LRCH1: variants seen among roughly 807,000 people sequenced by gnomAD.
The protein encoded by LRCH1 is leucine rich repeats and calponin homology domain containing 1, also known as leucine-rich repeat and calponin homology domain-containing protein 1.
Under a neutral mutation model 94.9 loss-of-function variants are expected in LRCH1, and 23 were observed. The observed-to-expected ratio is 0.24, with a 90% CI of 0.17 to 0.34. The LOEUF is 0.34. LRCH1 is among the 10% of genes least tolerant of loss of function. The pLI is 1.00. For missense variants in LRCH1, 790 were observed against 945.9 expected (o/e 0.84, Z 2.16); for synonymous variants, 364 against 354.9 (o/e 1.03, Z -0.29).
intron 15 of LRCH1, among the ~76,000 whole-genome samples, chr13:46,712,930 G>A (rs541854326): frequency 2.0e-5 from 3 of 152,190 alleles, no homozygotes; most frequent in East Asian, 1.9e-4. Context: ...CCTGCTGCTC[G>A]GCTGAGTTAA....
intron 1 of LRCH1, among the ~76,000 whole-genome samples, chr13:46,644,849 A>G (rs906198962): frequency 9.8e-5 from 15 of 152,356 alleles, no homozygotes; most frequent in African/African-American, 3.4e-4. Flanking sequence ...AAAAGTACAT[A>G]TAGAATAGCA....
intron 1 of LRCH1, among the ~76,000 whole-genome samples, chr13:46,592,611 G>A (rs559634920): frequency 6.6e-6 from 1 of 152,136 alleles, no homozygotes; most frequent in African/African-American, 2.4e-5. Context: ...GATTAAATTG[G>A]TAAAATATGT....
intron 4 of LRCH1, among the ~76,000 whole-genome samples, chr13:46,682,130 C>G (rs1870350430): frequency 1.3e-5 from 2 of 152,086 alleles, no homozygotes; most frequent in South Asian, 4.1e-4. Flanking sequence ...GCTACTATAA[C>G]AAAGAACCAC....
At position 46,616,715 on chromosome 13, in the gene LRCH1, T is replaced by A. The variant is rs546831529; in HGVS notation, c.308-33486T>A. Among the ~76,000 whole-genome samples the A allele has an allele frequency of 1.2e-4, 19 of 152,324 alleles. No homozygotes were observed. The East Asian group carries it at 3.5e-3, about 28-fold the overall frequency. ...AGACGGCACCAAATTTCATGCGCGTTCGTGTGAAGAGACCACCAAACAGGC... is the reference window on the plus strand; with the variant it reads ...AGACGGCACCAAATTTCATGCGCGTACGTGTGAAGAGACCACCAAACAGGC... On this transcript the variant is annotated intron_variant, in intron 1 of 19. Coordinates refer to ENST00000389797, the MANE Select transcript of LRCH1 (RefSeq NM_001164211.2).
In LRCH1 at chr13:46,712,521, A is replaced by G. The variant is rs1480343321; in HGVS notation, c.1582-4A>G. The G allele has an allele frequency of 6.2e-7, 1 of 1,611,110 alleles. No homozygotes were observed. Among genetic ancestry groups the G allele is most frequent in the Non-Finnish European group, 8.5e-7 (1 of 1,177,544 alleles). On this transcript the variant is annotated splice_region_variant and splice_polypyrimidine_tract_variant and intron_variant, in intron 14 of 19. Transcript: ENST00000389797. ...CCTAATTTCCTTTCCTTCCAACACC[A>G]CAGATTAGAGAGAACTCCCCTGCAG...
Position 46,669,078 on chromosome 13 carries a change from C to T in LRCH1, c.501C>T (p.Leu167=), listed in dbSNP as rs760343503. The part of the protein sequence containing the change: ...ALPACLCGLP[L]KVLIASNNKL... Reference sequence around the variant, plus strand: ...CTGCCTGCCTGTGTGGTCTGCCTCTCAAAGTCTTAATCGCAAGTAACAACA... The same window carrying T: ...CTGCCTGCCTGTGTGGTCTGCCTCTTAAAGTCTTAATCGCAAGTAACAACA... The change falls in exon 3 of 20, where the codon CTC becomes CTT. Residue 167 remains leucine, a synonymous_variant. Coordinates refer to ENST00000389797, the MANE Select transcript of LRCH1 (RefSeq NM_001164211.2). 6.2e-7 allele frequency: 1 copy of T among 1,614,028 alleles called. No individual in the cohort carries two copies. Among genetic ancestry groups the T allele is most frequent in the East Asian group, 2.2e-5 (1 of 44,896 alleles).
At chr13:46,704,210 A>G (rs1221883499) in intron 11 of LRCH1, among the ~76,000 whole-genome samples, 1 of 152,124 alleles carries the variant, frequency 6.6e-6, no homozygotes, top group Non-Finnish European at 1.5e-5. Context: ...ACACTTGAAG[A>G]TGTCATTTAT....
chr13:46,662,268 G>A (rs932972271), intron 2 of LRCH1, among the ~76,000 whole-genome samples: 4 of 152,146 alleles, frequency 2.6e-5, no homozygotes, highest in East Asian at 1.9e-4. Flanking sequence ...TCCACTGCCC[G>A]TGTATCTTTC....
At chr13:46,658,548 C>A (rs73193009) in intron 2 of LRCH1, among the ~76,000 whole-genome samples, 1 of 152,148 alleles carries the variant, frequency 6.6e-6, no homozygotes, top group Non-Finnish European at 1.5e-5. Context: ...GGTGCAATTA[C>A]GGCTCACCAC....
chr13:46,638,730 A>G (rs1229262165), intron 1 of LRCH1, among the ~76,000 whole-genome samples: 1 of 152,352 alleles, frequency 6.6e-6, no homozygotes, highest in Middle Eastern at 3.4e-3. Context: ...CTCATGCCTA[A>G]GATTATTTAC....
At chr13:46,678,953 C>T (rs1341743682) in intron 3 of LRCH1, among the ~76,000 whole-genome samples, 1 of 152,178 alleles carries the variant, frequency 6.6e-6, no homozygotes, top group East Asian at 1.9e-4. Context: ...TCTCCTCCTT[C>T]CTTATTTATT....
intron 3 of LRCH1, among the ~76,000 whole-genome samples, chr13:46,678,053 G>C (rs2051700981): frequency 6.6e-6 from 1 of 152,158 alleles, no homozygotes; most frequent in African/African-American, 2.4e-5. Flanking sequence ...GAATTTATAA[G>C]CTGATAAATT....
intron 3 of LRCH1, 119 bp downstream of exon 3, chr13:46,669,275 C>G (rs1047692836): frequency 3.4e-6 from 4 of 1,166,666 alleles, no homozygotes; most frequent in African/African-American, 1.5e-5. Context: ...TGTTTGAGGG[C>G]AGGTATATGA....
intron 1 of LRCH1, among the ~76,000 whole-genome samples, chr13:46,565,694 C>G (rs1461274865): frequency 6.6e-6 from 1 of 151,712 alleles, no homozygotes; most frequent in Non-Finnish European, 1.5e-5. Flanking sequence ...ACCTGTAATC[C>G]AAGCTACTCA....
chr13:46,692,374 A>T (rs1870942566), intron 7 of LRCH1, among the ~76,000 whole-genome samples, 162 bp from the exon 8 acceptor site: 1 of 151,826 alleles, frequency 6.6e-6, no homozygotes, highest in Non-Finnish European at 1.5e-5. Context: ...TTAGTTTTGC[A>T]TTTTTTGAAC....
intron 1 of LRCH1, among the ~76,000 whole-genome samples, chr13:46,598,594 C>A (rs9534435): frequency 0.84 from 122,633 of 146,374 alleles, 51,404 homozygotes; most frequent in East Asian, 0.91. Context: ...CTAACAACAA[C>A]AAAAAAAAAA....
intron 1 of LRCH1, among the ~76,000 whole-genome samples, chr13:46,618,556 T>G (rs1400282810): frequency 1.3e-5 from 2 of 152,226 alleles, no homozygotes; most frequent in African/African-American, 4.8e-5. Context: ...GCAAAAAAAC[T>G]TATAAATACA....
intron 1 of LRCH1, among the ~76,000 whole-genome samples, chr13:46,634,827 A>G (rs1299178226): frequency 2.6e-5 from 4 of 152,118 alleles, no homozygotes; most frequent in African/African-American, 9.7e-5. Flanking sequence ...TAAGTGAGCC[A>G]ACGTGTGGGT....
chr13:46,657,689 C>CCACCACTACTTCT (rs2051393446), intron 2 of LRCH1, among the ~76,000 whole-genome samples: 1 of 25,216 alleles, frequency 4.0e-5, no homozygotes, highest in African/African-American at 1.2e-4. Context: ...CCATGCCCAG[C>CCACCACTACTTCT]TAATTTTTTT....
Sources: allele counts gnomAD v4.1 joint callset (sites outside exome capture counted in the v4.1 genomes callset), GRCh38; gene constraint gnomAD v4.1.1; transcripts MANE v1.5; gene names NCBI Gene and HGNC (gene_info 2026-07-23, HGNC 2026-07-21).